The following STAT5B variants were observed in gnomAD, a reference collection of about 807,000 sequenced individuals.
STAT5B encodes the protein signal transducer and activator of transcription 5B.
STAT5B carries 21 observed loss-of-function variants against 107.8 expected under a neutral mutation model. That is an observed-to-expected ratio of 0.19 (90% CI 0.14 to 0.28). The LOEUF (loss-of-function observed/expected upper bound fraction) is 0.28. Among genes scored for constraint, STAT5B ranks in the 10% least tolerant of loss-of-function variants. The pLI is 1.00. For missense variants in STAT5B, 565 were observed against 1,008.2 expected (o/e 0.56, Z 5.95); for synonymous variants, 325 against 401.7 (o/e 0.81, Z 2.28).
At chr17:42,231,419 G>C (rs1390651669) in intron 2 of STAT5B, among the ~76,000 whole-genome samples, 1 of 152,060 alleles carries the variant, frequency 6.6e-6, no homozygotes, top group Non-Finnish European at 1.5e-5. Context: ...ATGGGTTACA[G>C]CAACCTTTGC....
chr17:42,216,834 C>T (rs528021137), intron 11 of STAT5B, among the ~76,000 whole-genome samples: 6 of 151,994 alleles, frequency 3.9e-5, no homozygotes, highest in South Asian at 4.1e-4. Context: ...CGTGCCACCA[C>T]GCCTGGCTAA....
intron 2 of STAT5B, among the ~76,000 whole-genome samples, chr17:42,228,751 G>A (rs1235555676): frequency 1.3e-5 from 2 of 152,098 alleles, no homozygotes; most frequent in Non-Finnish European, 2.9e-5. Context: ...GGGCAACACG[G>A]TGAAACCCCA....
At chr17:42,240,770 T>G (rs1336690066) in intron 1 of STAT5B, among the ~76,000 whole-genome samples, 2 of 152,218 alleles carry the variant, frequency 1.3e-5, no homozygotes, top group African/African-American at 4.8e-5. Flanking sequence ...GCTGCATGCA[T>G]GTTGAGGACT....
intron 2 of STAT5B, among the ~76,000 whole-genome samples, chr17:42,229,189 A>C (rs1271971433): frequency 1.3e-5 from 2 of 151,990 alleles, no homozygotes; most frequent in African/African-American, 4.8e-5. Context: ...TCACTCTGTC[A>C]CCCAGGCTGG....
intron 1 of STAT5B, among the ~76,000 whole-genome samples, chr17:42,261,081 G>C (rs1187228894): frequency 6.6e-6 from 1 of 151,498 alleles, no homozygotes; most frequent in African/African-American, 2.4e-5. Context: ...GCTAATTTTT[G>C]TATTTTTAGT....
At chr17:42,251,764 C>A (rs2080501516) in intron 1 of STAT5B, among the ~76,000 whole-genome samples, 1 of 152,020 alleles carries the variant, frequency 6.6e-6, no homozygotes, top group Admixed American at 6.6e-5. Flanking sequence ...CTTTGGGAGG[C>A]CAAGGTAGGC....
Position 42,265,394 on chromosome 17 carries a change from C to T in STAT5B, c.-11+10854G>A, listed in dbSNP as rs183165852. Among the ~76,000 whole-genome samples the T allele has an allele frequency of 8.1e-3, 550 of 68,316 alleles. 11 individuals carry two copies. The highest frequency in any genetic ancestry group is 0.011 in the Non-Finnish European group (397 of 35,744). The allele number at this position is 68,316 out of a possible 152,430, so 44.8% of individuals were successfully genotyped here. ...GTACTCTTCTTTTTTTTTTTTGAGA[C>T]GAAGTCTCGCTCTGTCACCAGGCTG... is the stretch of plus-strand genomic sequence containing the variant. On this transcript the variant is annotated intron_variant, in intron 1 of 18. Transcript: ENST00000293328.
the STAT5B span, among the ~76,000 whole-genome samples, chr17:42,283,888 C>T: frequency 1.3e-5 from 2 of 152,122 alleles, no homozygotes; most frequent in Admixed American, 6.5e-5. Context: ...AAGCCTTCTC[C>T]GGTGGGGGCT....
Position 42,217,408 on chromosome 17 carries a change from G to A in STAT5B, c.1226C>T (p.Thr409Ile), listed in dbSNP as rs757419103. The A allele has an allele frequency of 6.2e-7, 1 of 1,614,198 alleles. No individual in the cohort carries two copies. The highest frequency in any genetic ancestry group is 8.5e-7 in the Non-Finnish European group (1 of 1,180,036). The change falls in exon 10 of 19, where the codon ACA becomes ATA. Residue 409 changes from threonine (T) to isoleucine (I), a missense_variant. Around this residue, in one of 11 missense-constraint regions of STAT5B, gnomAD observed 70 missense variants for 73.2 expected, o/e 0.96. Coordinates refer to ENST00000293328, the MANE Select transcript of STAT5B (RefSeq NM_012448.4). ...NCCVMEYHQA[T>I]GTLSAHFRNM... ...CCTGAAGTGGGCACTAAGGGTGCCT[G>A]TGGCTTGGTGGTACTCCATGACGCA...
chr17:42,266,165 T>C (rs1485558537), intron 1 of STAT5B, among the ~76,000 whole-genome samples: 1 of 152,028 alleles, frequency 6.6e-6, no homozygotes, highest in East Asian at 1.9e-4. Context: ...CCTGTTCAAA[T>C]TTACCAATAA....
At chr17:42,229,164 C>T (rs946421069) in intron 2 of STAT5B, among the ~76,000 whole-genome samples, 7 of 152,202 alleles carry the variant, frequency 4.6e-5, no homozygotes, top group African/African-American at 1.7e-4. Context: ...CACTCTTTTT[C>T]TTTGAGACGA....
At chr17:42,262,401 G>C (rs183986505) in intron 1 of STAT5B, among the ~76,000 whole-genome samples, 1 of 152,056 alleles carries the variant, frequency 6.6e-6, no homozygotes, top group Non-Finnish European at 1.5e-5. Flanking sequence ...ACTAATTCTA[G>C]TTACAAAGAA....
At chr17:42,253,345 A>T (rs2080515517) in intron 1 of STAT5B, among the ~76,000 whole-genome samples, 1 of 152,230 alleles carries the variant, frequency 6.6e-6, no homozygotes, top group Non-Finnish European at 1.5e-5. Context: ...TGCTTGCTCA[A>T]AAGCTGTCAC....
At chr17:42,281,052 T>G (rs1376063720), upstream of STAT5B, among the ~76,000 whole-genome samples, 3 of 151,326 alleles carry the variant, frequency 2.0e-5, no homozygotes, top group Non-Finnish European at 4.4e-5. Flanking sequence ...GAGAATGGCG[T>G]GAACCCGGGA....
Position 42,223,492 on chromosome 17 carries a change from G to T in STAT5B, c.440C>A (p.Thr147Lys), listed in dbSNP as rs768919211. Reference protein sequence around the residue: ...MSQKHLQINQTFEELRLVTQD... With the variant: ...MSQKHLQINQKFEELRLVTQD... ...CGTGACCAGTCGCAGCTCCTCAAACGTCTGGTTGATCTGGAGGTGTTTCTG... is the reference window on the plus strand; with the variant it reads ...CGTGACCAGTCGCAGCTCCTCAAACTTCTGGTTGATCTGGAGGTGTTTCTG... Residue 147 changes from threonine (T) to lysine (K), a missense_variant, in exon 5 of 19, where the codon ACG (threonine) becomes AAG (lysine). Physicochemically the swap from Thr to Lys is moderately conservative, Grantham distance 78. Around this residue, in one of 11 missense-constraint regions of STAT5B, gnomAD observed 54 missense variants for 49.7 expected, o/e 1.09. Transcript: ENST00000293328. 1 of 1,614,108 alleles carries T rather than the reference G, an allele frequency of 6.2e-7. No individual in the cohort carries two copies. Among genetic ancestry groups the T allele is most frequent in the South Asian group, 1.1e-5 (1 of 91,086 alleles).
intron 1 of STAT5B, among the ~76,000 whole-genome samples, chr17:42,262,909 T>TCAC (rs2080620703): frequency 5.7e-5 from 7 of 122,574 alleles, no homozygotes; most frequent in Admixed American, 1.7e-4. Flanking sequence ...TATATATGTG[T>TCAC]ATATATATGT....
rs186809143 is a variant in STAT5B, at chr17:42,245,911, G to A, written c.-10-13774C>T. The stretch of plus-strand genomic sequence containing the variant: ...CTTGGCCTTGTGATCCTCCCACCTC[G>A]GCCTCCCAAACTGCTGGGATTACAG... On this transcript the variant is annotated intron_variant, in intron 1 of 18. Coordinates refer to ENST00000293328, the MANE Select transcript of STAT5B (RefSeq NM_012448.4). Among the ~76,000 whole-genome samples, 546 of 152,184 alleles carry A rather than the reference G, an allele frequency of 3.6e-3. 4 individuals carry two copies. Among genetic ancestry groups the A allele is most frequent in the African/African-American group, 0.013 (535 of 41,528 alleles).
rs146334024 is a variant in STAT5B, at chr17:42,207,127, C to A, written c.2077+431G>T. ...ACCTCAAATGATCCGCCTGCCTTGG[C>A]CTCCCAAAGTTCTGGGATTACAGGC... On this transcript the variant is annotated intron_variant, in intron 16 of 18. Transcript: ENST00000293328. Among the ~76,000 whole-genome samples, 411 of 152,250 alleles carry A rather than the reference C, an allele frequency of 2.7e-3. 4 individuals carry two copies. The highest frequency in any genetic ancestry group is 4.9e-3 in the Non-Finnish European group (332 of 68,032).
chr17:42,253,491 C>T (rs545158376), intron 1 of STAT5B, among the ~76,000 whole-genome samples: 27 of 152,258 alleles, frequency 1.8e-4, no homozygotes, highest in African/African-American at 5.8e-4. Context: ...TAAATACTAG[C>T]AATCTAAATT....
Sources: allele counts gnomAD v4.1 joint callset (sites outside exome capture counted in the v4.1 genomes callset), GRCh38; gene constraint gnomAD v4.1.1; regional missense constraint gnomAD v4.1.1; transcripts MANE v1.5; gene names NCBI Gene and HGNC (gene_info 2026-07-23, HGNC 2026-07-21).